SCOC: variants seen among roughly 807,000 people sequenced by gnomAD.
SCOC encodes short coiled coil protein.
In SCOC, 7 loss-of-function variants were observed where a neutral mutation model predicts 9.9. The ratio of observed to expected loss-of-function variants is 0.71; its 90% CI spans 0.40 to 1.33. SCOC has a LOEUF of 1.33. SCOC is among the 40% of genes most tolerant of loss of function. The probability of loss-of-function intolerance (pLI) is 0.01; values close to 1 mark genes in which losing one functional copy is unlikely to be tolerated. For synonymous variants in SCOC, 19 were observed against 28.2 expected (o/e 0.67, Z 1.03); for missense variants, 66 against 89.7 (o/e 0.74, Z 1.07).
At chr4:140,285,515 G>A (rs905064716) in intron 1 of SCOC, among the ~76,000 whole-genome samples, 1 of 152,208 alleles carries the variant, frequency 6.6e-6, no homozygotes, top group Non-Finnish European at 1.5e-5. Context: ...TTTGCTCACT[G>A]TATTCTAGGA....
At chr4:140,349,077 C>T (rs980077321) in intron 2 of SCOC, among the ~76,000 whole-genome samples, 8 of 152,078 alleles carry the variant, frequency 5.3e-5, no homozygotes, top group Non-Finnish European at 1.2e-4. Flanking sequence ...TTGCATTTTC[C>T]ACTTTTGACT....
intron 1 of SCOC, chr4:140,376,428 G>A (rs1373174852): frequency 6.6e-6 from 1 of 152,194 alleles, no homozygotes; most frequent in Non-Finnish European, 1.5e-5. Flanking sequence ...AAAGAGTAAT[G>A]CCCTTATGCG....
chr4:140,289,736 A>T (rs1433037932), intron 1 of SCOC, among the ~76,000 whole-genome samples: 2 of 152,168 alleles, frequency 1.3e-5, no homozygotes, highest in Admixed American at 1.3e-4. Flanking sequence ...TTTCAAGTGG[A>T]AGCCAGCAGT....
intron 2 of SCOC, among the ~76,000 whole-genome samples, chr4:140,368,291 T>C (rs1727890735): frequency 6.6e-6 from 1 of 152,214 alleles, no homozygotes; most frequent in Admixed American, 6.5e-5. Context: ...AAATTAACCA[T>C]TTAATTAAAA....
At chr4:140,362,301 T>TCTTCTTCTTGTTCTTCTTCTTCTTCTTC in intron 2 of SCOC, among the ~76,000 whole-genome samples, 7 of 29,406 alleles carry the variant, frequency 2.4e-4, no homozygotes, top group African/African-American at 8.2e-4. Context: ...TTCTTCTTCT[T>TCTTCTTCTTGTTCTTCTTCTTCTTCTTC]TTTTTTTTTT....
intron 2 of SCOC, among the ~76,000 whole-genome samples, chr4:140,364,727 G>T (rs1190810645): frequency 1.3e-5 from 2 of 152,146 alleles, no homozygotes; most frequent in Non-Finnish European, 2.9e-5. Context: ...TTCCATCAAT[G>T]CTTTGTCCCT....
At chr4:140,288,634 CAAGTATATACACACA>C (rs1731374362) in intron 1 of SCOC, among the ~76,000 whole-genome samples, 1 of 151,760 alleles carries the variant, frequency 6.6e-6, no homozygotes. Context: ...TACATAACAC[CAAGTATATACACACA>C]AAACACCACA....
chr4:140,375,141 C>T (rs1057443833), intron 1 of SCOC, among the ~76,000 whole-genome samples: 2 of 152,200 alleles, frequency 1.3e-5, no homozygotes, highest in African/African-American at 2.4e-5. Context: ...AGTCTTGGCC[C>T]TGTTGCTAAC....
At chr4:140,317,751 G>T (rs1218823222) in intron 1 of SCOC, among the ~76,000 whole-genome samples, 3 of 149,514 alleles carry the variant, frequency 2.0e-5, no homozygotes, top group African/African-American at 7.4e-5. Context: ...ACATTGTGCA[G>T]GTTAGTTACA....
At chr4:140,288,321 C>A (rs1241737032) in intron 1 of SCOC, among the ~76,000 whole-genome samples, 4 of 151,982 alleles carry the variant, frequency 2.6e-5, no homozygotes, top group Admixed American at 2.0e-4. Flanking sequence ...CACATATACA[C>A]CTACATAAAT....
chr4:140,343,416 G>T (rs904387200), upstream of SCOC: 1 of 467,086 alleles, frequency 2.1e-6, no homozygotes, highest in Admixed American at 3.5e-5. Context: ...GTCAAGGGTT[G>T]TAAGTCATTA....
At chr4:140,291,120 AG>A (rs1731457798) in intron 1 of SCOC, among the ~76,000 whole-genome samples, 1 of 152,156 alleles carries the variant, frequency 6.6e-6, no homozygotes, top group African/African-American at 2.4e-5. Context: ...CCTGAGTGGC[AG>A]GGCAAGCCTG....
intron 1 of SCOC, among the ~76,000 whole-genome samples, chr4:140,287,010 C>T (rs1731291793): frequency 6.6e-6 from 1 of 151,948 alleles, no homozygotes; most frequent in South Asian, 2.1e-4. Flanking sequence ...CATACACATA[C>T]ATATACCATA....
chr4:140,368,310 G>C (rs1316801656), intron 2 of SCOC, among the ~76,000 whole-genome samples: 1 of 152,016 alleles, frequency 6.6e-6, no homozygotes, highest in African/African-American at 2.4e-5. Flanking sequence ...AATCAGTTTT[G>C]AACTTAGCTT....
In SCOC at chr4:140,380,872, A is replaced by G. The variant is rs572786685; in HGVS notation, c.107-90A>G. 23 of 1,032,952 alleles carry G rather than the reference A, an allele frequency of 2.2e-5. No individual in the cohort carries two copies. In the South Asian group the frequency reaches 4.7e-4, roughly 21 times the overall value. The allele number at this position is 1,032,952 out of a possible 1,614,324, so 64.0% of individuals were successfully genotyped here. A position where few individuals can be genotyped will look rare whatever the true frequency, so the allele number is the denominator to read the frequency against. The stretch of plus-strand genomic sequence containing the variant: ...ATTCTTAAAATTTAAGGATTGTATT[A>G]TTTCTTTTAAGAATGAATCCTAAGA... On this transcript the variant is annotated intron_variant, in intron 3 of 3. Transcript: ENST00000608372.
In SCOC at chr4:140,259,680, G is replaced by A. The variant is rs897621706; in HGVS notation, c.-19+2270G>A. Among the ~76,000 whole-genome samples the A allele has an allele frequency of 3.9e-5, 6 of 152,208 alleles. No homozygotes were observed. The East Asian group carries it at 1.2e-3, about 29-fold the overall frequency. On this transcript the variant is annotated intron_variant, in intron 1 of 4. Coordinates refer to the SCOC transcript ENST00000394205. The stretch of plus-strand genomic sequence containing the variant: ...GCTATGAGCACACCACTGCATTCCA[G>A]CCTGGGTGACAGAGTGAGACCATGT...
At position 140,384,545 on chromosome 4, in the gene SCOC, AGTTT is replaced by A. The variant is rs1728651575; in HGVS notation, c.*3442_*3445del. On this transcript the variant is annotated 3_prime_UTR_variant, in exon 4 of 4. Transcript: ENST00000608372. Reference sequence around the variant, plus strand: ...CCTACTCTTGATGTCTCCAGTTAGTAGTTTTCCATCCACTGACCTCATCACTGCT... The same window carrying A: ...CCTACTCTTGATGTCTCCAGTTAGTATCCATCCACTGACCTCATCACTGCT... 3 of 152,300 alleles carry A rather than the reference AGTTT, an allele frequency of 2.0e-5. No homozygotes were observed. Among genetic ancestry groups the A allele is most frequent in the Admixed American group, 6.5e-5 (1 of 15,288 alleles). The allele number at this position is 152,300 out of a possible 1,614,324, so 9.4% of individuals were successfully genotyped here.
intron 1 of SCOC, among the ~76,000 whole-genome samples, chr4:140,269,436 G>A (rs1172320387): frequency 6.6e-6 from 1 of 152,064 alleles, no homozygotes; most frequent in African/African-American, 2.4e-5. Flanking sequence ...CCACTACATT[G>A]GAAAGGTCAC....
At chr4:140,338,649 C>G (rs1325560970), upstream of SCOC, among the ~76,000 whole-genome samples, 2 of 152,156 alleles carry the variant, frequency 1.3e-5, no homozygotes, top group Non-Finnish European at 2.9e-5. Flanking sequence ...TTCCTATACA[C>G]CAATAACAGA....
Sources: gnomAD v4.1 joint callset for allele counts (sites outside exome capture counted in the v4.1 genomes callset) on GRCh38, gnomAD v4.1.1 for gene constraint, MANE v1.5 for transcripts, NCBI Gene and HGNC (gene_info 2026-07-23, HGNC 2026-07-21) for gene names.